The following ADGRB3 variants were observed in gnomAD, a reference collection of about 807,000 sequenced individuals.
ADGRB3 encodes brain-specific angiogenesis inhibitor 3.
Under a neutral mutation model 193.4 loss-of-function variants are expected in ADGRB3, and 37 were observed. That is an observed-to-expected ratio of 0.19 (90% CI 0.15 to 0.25). The LOEUF is 0.25. Among genes scored for constraint, ADGRB3 ranks in the 10% least tolerant of loss-of-function variants. The pLI is 1.00. For missense variants in ADGRB3, 1,637 were observed against 1,852.9 expected (o/e 0.88, Z 2.14); for synonymous variants, 690 against 644.2 (o/e 1.07, Z -1.08).
chr6:68,991,712 G>A (rs1307678609), intron 10 of ADGRB3, among the ~76,000 whole-genome samples: 1 of 152,132 alleles, frequency 6.6e-6, no homozygotes, highest in Non-Finnish European at 1.5e-5. Flanking sequence ...AGCATGTAGG[G>A]CACACAGACC....
intron 3 of ADGRB3, among the ~76,000 whole-genome samples, chr6:68,893,706 T>G (rs1306989062): frequency 6.6e-6 from 1 of 151,998 alleles, no homozygotes; most frequent in African/African-American, 2.4e-5. Flanking sequence ...GGTATCAGTT[T>G]AATTAATGCT....
chr6:69,202,684 G>T (rs1291817499), intron 17 of ADGRB3, among the ~76,000 whole-genome samples: 2 of 152,132 alleles, frequency 1.3e-5, no homozygotes, highest in Non-Finnish European at 2.9e-5. Context: ...GACTATGTAG[G>T]TAGCTGAATT....
intron 3 of ADGRB3, among the ~76,000 whole-genome samples, chr6:68,905,101 G>C (rs938196558): frequency 1.3e-5 from 2 of 152,112 alleles, no homozygotes; most frequent in Admixed American, 1.3e-4. Flanking sequence ...AGATTGTTGG[G>C]ACTGTTACCT....
Position 68,883,049 on chromosome 6 carries a change from A to G in ADGRB3, c.758-47510A>G, listed in dbSNP as rs1765777902. ...GCTGGGACTACAGGTGCCCGCCACAATTACCAGCTAATTTTTTTGTATTTT... is the reference window on the plus strand; with the variant it reads ...GCTGGGACTACAGGTGCCCGCCACAGTTACCAGCTAATTTTTTTGTATTTT... On this transcript the variant is annotated intron_variant, in intron 3 of 31. Coordinates refer to ENST00000370598, the MANE Select transcript of ADGRB3 (RefSeq NM_001704.3). Among the ~76,000 whole-genome samples, 3 of 152,032 alleles carry G rather than the reference A, an allele frequency of 2.0e-5. No homozygotes were observed. In the South Asian group the frequency reaches 6.2e-4, roughly 32 times the overall value.
At chr6:69,282,683 G>A (rs990468194) in intron 20 of ADGRB3, among the ~76,000 whole-genome samples, 2 of 152,050 alleles carry the variant, frequency 1.3e-5, no homozygotes, top group Non-Finnish European at 2.9e-5. Context: ...ATATTTATTG[G>A]GTGACTATAA....
rs147746294 is a variant in ADGRB3, at chr6:68,956,052, G to A, written c.1224G>A (p.Ser408=). The change falls in exon 7 of 32, where the codon TCG becomes TCA. Residue 408 remains serine (S), a synonymous_variant. Coordinates refer to ENST00000370598, the MANE Select transcript of ADGRB3 (RefSeq NM_001704.3). ...PVDGQWQEWS[S]WSQCSVTCSN... ...ATGGACAGTGGCAAGAGTGGAGTTC[G>A]TGGAGCCAGTGCTCAGTAACGTGCT... 11 of 1,613,616 alleles carry A rather than the reference G, an allele frequency of 6.8e-6. No individual in the cohort carries two copies. Among genetic ancestry groups the A allele is most frequent in the Middle Eastern group, 1.7e-4 (1 of 5,958 alleles).
rs576372903 is a variant in ADGRB3 at position 69,260,672 on chromosome 6, A to G, written c.2814+21446A>G. ...AGTTGGACTCTGCTAGTAAAGGTTA[A>G]ATAAAAACCATCTTTAGTTCCCATA... On this transcript the variant is annotated intron_variant, in intron 20 of 31. Coordinates refer to ENST00000370598, the MANE Select transcript of ADGRB3 (RefSeq NM_001704.3). Among the ~76,000 whole-genome samples, 3 of 152,266 alleles carry G rather than the reference A, an allele frequency of 2.0e-5. No individual in the cohort carries two copies. In the South Asian group the frequency reaches 6.2e-4, roughly 32 times the overall value.
At chr6:68,857,568 C>G (rs1013421656) in intron 3 of ADGRB3, among the ~76,000 whole-genome samples, 1 of 152,166 alleles carries the variant, frequency 6.6e-6, no homozygotes, top group East Asian at 1.9e-4. Flanking sequence ...GGAATGGCTG[C>G]ATTTAGGCAA....
intron 15 of ADGRB3, among the ~76,000 whole-genome samples, chr6:69,061,787 G>A (rs1397462743): frequency 2.3e-5 from 1 of 43,236 alleles, no homozygotes; most frequent in Non-Finnish European, 7.1e-5. Flanking sequence ...TAAAACAGCA[G>A]CATGTCCGTG....
chr6:68,680,357 C>A (rs550494699), intron 3 of ADGRB3, among the ~76,000 whole-genome samples: 1 of 151,918 alleles, frequency 6.6e-6, no homozygotes, highest in Admixed American at 6.6e-5. Context: ...AAAATAGATC[C>A]GTACAAAGTA....
intron 17 of ADGRB3, among the ~76,000 whole-genome samples, chr6:69,108,707 T>G (rs991017513): frequency 1.3e-5 from 2 of 152,146 alleles, no homozygotes; most frequent in Non-Finnish European, 2.9e-5. Flanking sequence ...GGTTGAGGCT[T>G]GGATGACAGG....
At chr6:68,853,005 G>T (rs1582255788) in intron 3 of ADGRB3, among the ~76,000 whole-genome samples, 1 of 151,958 alleles carries the variant, frequency 6.6e-6, no homozygotes, top group Admixed American at 6.6e-5. Context: ...CAGCAAAAAT[G>T]TCCTCAGTGC....
chr6:68,700,697 C>T (rs1419860208), intron 3 of ADGRB3, among the ~76,000 whole-genome samples: 1 of 151,726 alleles, frequency 6.6e-6, no homozygotes, highest in Non-Finnish European at 1.5e-5. Context: ...AAAGAACCAT[C>T]ATTCTCAGCA....
At chr6:68,783,682 A>C (rs2127362428) in intron 3 of ADGRB3, among the ~76,000 whole-genome samples, 1 of 152,072 alleles carries the variant, frequency 6.6e-6, no homozygotes, top group East Asian at 1.9e-4. Context: ...GGCACATCAT[A>C]GTCAAGAGAT....
At chr6:68,782,165 C>A (rs1206064144) in intron 3 of ADGRB3, among the ~76,000 whole-genome samples, 3 of 134,890 alleles carry the variant, frequency 2.2e-5, no homozygotes, top group African/African-American at 8.4e-5. Context: ...TGTTCCCCTT[C>A]CTGTGTCCAT....
chr6:68,687,071 A>C (rs953531903), intron 3 of ADGRB3, among the ~76,000 whole-genome samples: 1 of 152,054 alleles, frequency 6.6e-6, no homozygotes, highest in Non-Finnish European at 1.5e-5. Context: ...TGGATCTTCT[A>C]TGTATCATAT....
chr6:69,345,680 T>C (rs1411568498), intron 26 of ADGRB3, among the ~76,000 whole-genome samples: 2 of 152,120 alleles, frequency 1.3e-5, no homozygotes, highest in African/African-American at 2.4e-5. Flanking sequence ...AAGCATTCCC[T>C]TTGAAAACTG....
At chr6:68,725,664 T>A (rs1433296311) in intron 3 of ADGRB3, among the ~76,000 whole-genome samples, 3 of 151,504 alleles carry the variant, frequency 2.0e-5, no homozygotes, top group African/African-American at 7.3e-5. Context: ...TGTACAATAT[T>A]TAGGGAGCAT....
intron 3 of ADGRB3, among the ~76,000 whole-genome samples, chr6:68,771,437 T>A (rs1481611353): frequency 6.6e-6 from 1 of 151,964 alleles, no homozygotes; most frequent in Non-Finnish European, 1.5e-5. Context: ...CACATACATA[T>A]GTTTGCTCAT....
Sources: allele counts gnomAD v4.1 joint callset (sites outside exome capture counted in the v4.1 genomes callset), GRCh38; gene constraint gnomAD v4.1.1; transcripts MANE v1.5; gene names NCBI Gene and HGNC (gene_info 2026-07-23, HGNC 2026-07-21).